Variants in WRNIP1 observed in about 807,000 individuals in gnomAD.
The protein encoded by WRNIP1 is ATPase WRNIP1.
A neutral mutation model predicts 56.1 loss-of-function variants in WRNIP1; 41 were observed. That is an observed-to-expected ratio of 0.73 (90% confidence interval 0.57 to 0.95). The LOEUF (loss-of-function observed/expected upper bound fraction) is 0.95. Among genes scored for constraint, WRNIP1 ranks in the 40% least tolerant of loss-of-function variants. The pLI is 0.00. For synonymous variants in WRNIP1, 547 were observed against 398.1 expected, an observed-to-expected ratio of 1.37 and a Z score of -4.45; for missense variants, 1,170 against 939.4, an observed-to-expected ratio of 1.25 and a Z score of -3.21.
chr6:2,783,230 C>T (rs1458145691), intron 4 of WRNIP1, among the ~76,000 whole-genome samples, 176 bp from the exon 5 acceptor site: 1 of 152,180 alleles, frequency 6.6e-6, no homozygotes, highest in Non-Finnish European at 1.5e-5. Flanking sequence ...GGGATTAAGC[C>T]CCAGCAGCTG....
chr6:2,774,581 T>A (rs577483445), intron 3 of WRNIP1, among the ~76,000 whole-genome samples: 1 of 152,344 alleles, frequency 6.6e-6, no homozygotes, highest in Non-Finnish European at 1.5e-5. Context: ...TTGAGACCCT[T>A]AGTTACATCT....
In WRNIP1 at chr6:2,783,531, A is replaced by T; in HGVS notation, c.1612A>T (p.Arg538Trp). ...AGAGGACCCACTCTACGTGGCACGG[A>T]GGCTTGTCAGGTTTGCCAGCGAGGA... ...GGEDPLYVARRLVRFASEDIG... is the reference protein window; with the variant it reads ...GGEDPLYVARWLVRFASEDIG... Residue 538 changes from arginine (R) to tryptophan (W), a missense_variant, in exon 5 of 7, where the codon AGG (arginine) becomes TGG (tryptophan). Coordinates refer to ENST00000380773, the MANE Select transcript of WRNIP1 (RefSeq NM_020135.3). The T allele has an allele frequency of 6.2e-7, 1 of 1,604,870 alleles. No homozygotes were observed. The highest frequency in any genetic ancestry group is 8.5e-7 in the Non-Finnish European group (1 of 1,175,642).
Position 2,770,285 on chromosome 6 carries a change from A to G in WRNIP1, c.1180A>G (p.Asn394Asp), listed in dbSNP as rs1346193401. 2 of 1,614,060 alleles carry G rather than the reference A, an allele frequency of 1.2e-6. No homozygotes were observed. The highest frequency in any genetic ancestry group is 4.5e-5 in the East Asian group (2 of 44,892). Residue 394 changes from asparagine to aspartate, a missense_variant, in exon 3 of 7, where the codon AAC becomes GAC. Coordinates refer to ENST00000380773, the MANE Select transcript of WRNIP1 (RefSeq NM_020135.3). ...GGTGACTATTTTAATGCGAGCGATC[A>G]ACTCCCTGGGAATCCACGTCCTAGA... is the stretch of plus-strand genomic sequence containing the variant. ...AMVTILMRAINSLGIHVLDSS... is the reference protein window; with the variant it reads ...AMVTILMRAIDSLGIHVLDSS...
chr6:2,765,887 G>T lies in WRNIP1; in HGVS notation c.265G>T (p.Ala89Ser). 1.4e-6 allele frequency: 2 copies of T among 1,452,774 alleles called. No homozygotes were observed. The highest frequency in any genetic ancestry group is 2.4e-4 in the Middle Eastern group (1 of 4,156). 90.0% of individuals were successfully genotyped at this position (1,452,774 alleles called of 1,614,324 possible). A position where few individuals can be genotyped will look rare whatever the true frequency, so the allele number is the denominator to read the frequency against. The change falls in exon 1 of 7, where the codon GCC (alanine) becomes TCC (serine). Residue 89 changes from alanine to serine, a missense_variant. By Grantham distance (99) the Ala-to-Ser change is moderately conservative. Coordinates refer to ENST00000380773, the MANE Select transcript of WRNIP1 (RefSeq NM_020135.3). ...ALKQPATPTA[A>S]ESSEGEGEEG... ...GAAGCAGCCAGCCACCCCGACGGCA[G>T]CCGAGAGCAGCGAGGGCGAGGGTGA... is the stretch of plus-strand genomic sequence containing the variant.
rs1450669428 is a variant in WRNIP1 at position 2,783,519 on chromosome 6, T to A, written c.1600T>A (p.Tyr534Asn). The change falls in exon 5 of 7, where the codon TAC becomes AAC. Residue 534 changes from tyrosine (Y) to asparagine (N), a missense_variant. By Grantham distance (143) the Tyr-to-Asn change is moderately radical. Coordinates refer to ENST00000380773, the MANE Select transcript of WRNIP1 (RefSeq NM_020135.3). ...RMLEGGEDPL[Y>N]VARRLVRFAS... ...GCTCGAGGGAGGAGAGGACCCACTC[T>A]ACGTGGCACGGAGGCTTGTCAGGTT... 1 of 1,613,398 alleles carries A rather than the reference T, an allele frequency of 6.2e-7. No individual in the cohort carries two copies. The highest frequency in any genetic ancestry group is 8.5e-7 in the Non-Finnish European group (1 of 1,179,798).
chr6:2,775,480 T>C (rs554297718), intron 3 of WRNIP1, among the ~76,000 whole-genome samples: 41 of 152,020 alleles, frequency 2.7e-4, no homozygotes, highest in South Asian at 2.7e-3. Flanking sequence ...TGGAAGAGAT[T>C]TGTGGGGTTT....
chr6:2,784,526 T>G, intron 6 of WRNIP1, 123 bp downstream of exon 6: 1 of 995,488 alleles, frequency 1.0e-6, no homozygotes, highest in Non-Finnish European at 1.5e-6. Flanking sequence ...AGTATGCTGC[T>G]TGGCTTTGGA....
chr6:2,768,640 C>A, intron 1 of WRNIP1, 51 bp from the exon 2 acceptor site: 1 of 1,481,260 alleles, frequency 6.8e-7, no homozygotes, highest in Non-Finnish European at 9.1e-7. Flanking sequence ...GGGTGCTGGT[C>A]TCTCTGTGTC....
rs202187199 is a variant in WRNIP1, at chr6:2,784,385, A to T, written c.1704A>T (p.Ile568=). The T allele has an allele frequency of 6.2e-6, 10 of 1,613,958 alleles. No homozygotes were observed. The Admixed American group carries it at 6.7e-5, about 11-fold the overall frequency. ...AVAAYQGCHF[I]GMPECEVLLA... ...CTGCCTACCAAGGCTGTCATTTTAT[A>T]GGCATGCCTGAATGTGAGGTAAAGT... The change falls in exon 6 of 7, where the codon ATA becomes ATT. Residue 568 remains isoleucine (I), a synonymous_variant. Coordinates refer to ENST00000380773, the MANE Select transcript of WRNIP1 (RefSeq NM_020135.3).
In WRNIP1 at chr6:2,770,306, C is replaced by T; in HGVS notation, c.1201C>T (p.Leu401=). 1.9e-6 allele frequency: 3 copies of T among 1,614,164 alleles called. No homozygotes were observed. Among genetic ancestry groups the T allele is most frequent in the Non-Finnish European group, 2.5e-6 (3 of 1,180,028 alleles). ...RAINSLGIHV[L]DSSRPTDPLS... ...GATCAACTCCCTGGGAATCCACGTC[C>T]TAGACTCTAGCCGTCCCACTGACCC... is the stretch of plus-strand genomic sequence containing the variant. Residue 401 remains leucine (L), a synonymous_variant, in exon 3 of 7, where the codon CTA becomes TTA. Transcript: ENST00000380773.
At chr6:2,774,387 C>A in intron 3 of WRNIP1, 1 of 632,380 alleles carries the variant, frequency 1.6e-6, no homozygotes, top group Non-Finnish European at 2.0e-6. Flanking sequence ...CAAGGCGATG[C>A]TCTCATCCAG....
rs762410197 is a variant in WRNIP1, at chr6:2,785,343, T to A, written c.*61T>A. 3 of 1,570,692 alleles carry A rather than the reference T, an allele frequency of 1.9e-6. No individual in the cohort carries two copies. The highest frequency in any genetic ancestry group is 2.7e-5 in the African/African-American group (2 of 73,868). Reference sequence around the variant, plus strand: ...TTTAAGGGAGGGCCAGAAAGAAAGTTAGTGGATTGCAAAGTTGGTTGCCTG... The same window carrying A: ...TTTAAGGGAGGGCCAGAAAGAAAGTAAGTGGATTGCAAAGTTGGTTGCCTG... On this transcript the variant is annotated 3_prime_UTR_variant, in exon 7 of 7. Transcript: ENST00000380773.
chr6:2,768,780 T>TGTGC lies in WRNIP1; in HGVS notation c.914_917dup (p.Asp307AlafsTer10). ...CTGCAACAAATGCCAAGACAAATGA[T>TGTGC]GTGCGAGATGTCATAAAACAAGCTC... On this transcript the variant is annotated frameshift_variant, in exon 2 of 7. Transcript: ENST00000380773. LOFTEE classifies it high-confidence loss of function. 6.2e-7 allele frequency: 1 copy of TGTGC among 1,614,020 alleles called. No homozygotes were observed. The highest frequency in any genetic ancestry group is 1.1e-5 in the South Asian group (1 of 91,050).
chr6:2,783,373 G>T lies in WRNIP1; in HGVS notation c.1487-33G>T, dbSNP rs375954111. On this transcript the variant is annotated intron_variant, in intron 4 of 6. Transcript: ENST00000380773. ...GATGGCTTGGGCGCCCCTCCTGTGA[G>T]CTCTGTGTGAGTGGTGCTCTTTGTG... 3.2e-4 allele frequency: 484 copies of T among 1,529,200 alleles called. 1 individual carries two copies. The highest frequency in any genetic ancestry group is 4.1e-4 in the Non-Finnish European group (458 of 1,128,812). 94.7% of individuals were successfully genotyped at this position (1,529,200 alleles called of 1,614,324 possible).
chr6:2,775,876 C>T (rs937897750), intron 3 of WRNIP1, among the ~76,000 whole-genome samples: 2 of 152,076 alleles, frequency 1.3e-5, no homozygotes, highest in African/African-American at 4.8e-5. Flanking sequence ...AATTTACTTC[C>T]TATTGTTTAT....
chr6:2,772,414 C>G (rs1227685976), intron 3 of WRNIP1, among the ~76,000 whole-genome samples: 1 of 152,186 alleles, frequency 6.6e-6, no homozygotes, highest in Non-Finnish European at 1.5e-5. Context: ...AGGACAGGAG[C>G]TTGTCCCTGT....
chr6:2,783,596 C>G, intron 5 of WRNIP1, 35 bp downstream of exon 5: 2 of 1,143,654 alleles, frequency 1.7e-6, no homozygotes, highest in Non-Finnish European at 1.1e-6. Context: ...AGTCCTATGT[C>G]CATGAGGGTG....
At position 2,783,438 on chromosome 6, in the gene WRNIP1, C is replaced by T. The variant is rs780867764; in HGVS notation, c.1519C>T (p.His507Tyr). The T allele has an allele frequency of 1.1e-5, 18 of 1,612,628 alleles. No homozygotes were observed. Among genetic ancestry groups the T allele is most frequent in the Non-Finnish European group, 1.4e-5 (17 of 1,179,290 alleles). ...EEHYNCISAL[H>Y]KSMRGSDQNA... ...GCATTACAACTGCATCTCCGCCCTG[C>T]ACAAGTCCATGCGGGGCTCAGACCA... The change falls in exon 5 of 7, where the codon CAC becomes TAC. Residue 507 changes from histidine (H) to tyrosine (Y), a missense_variant. Coordinates refer to ENST00000380773, the MANE Select transcript of WRNIP1 (RefSeq NM_020135.3).
chr6:2,770,332 T>C lies in WRNIP1; in HGVS notation c.1227T>C (p.Pro409=). Reference sequence around the variant, plus strand: ...TAGACTCTAGCCGTCCCACTGACCCTCTGAGCCACAGCAGCAACAGCAGCT... The same window carrying C: ...TAGACTCTAGCCGTCCCACTGACCCCCTGAGCCACAGCAGCAACAGCAGCT... The part of the protein sequence containing the change: ...HVLDSSRPTD[P]LSHSSNSSSE... Residue 409 remains proline, a synonymous_variant, in exon 3 of 7, where the codon CCT becomes CCC. Transcript: ENST00000380773. 1 of 1,614,118 alleles carries C rather than the reference T, an allele frequency of 6.2e-7. No individual in the cohort carries two copies. The highest frequency in any genetic ancestry group is 8.5e-7 in the Non-Finnish European group (1 of 1,180,004).
Sources: gnomAD v4.1 joint callset for allele counts (sites outside exome capture counted in the v4.1 genomes callset) on GRCh38, gnomAD v4.1.1 for gene constraint, MANE v1.5 for transcripts, NCBI Gene and HGNC (gene_info 2026-07-23, HGNC 2026-07-21) for gene names.